CFAP96: variants seen among roughly 807,000 people sequenced by gnomAD.
CFAP96 encodes cilia and flagella associated protein 96.
chr4:185,432,514 TTGAA>T, the CFAP96 span, among the ~76,000 whole-genome samples: 1 of 152,174 alleles, frequency 6.6e-6, no homozygotes, highest in Non-Finnish European at 1.5e-5. Context: ...AAAAATTGCC[TTGAA>T]TTATCATGTC....
At chr4:185,418,712 A>G in the CFAP96 span, 6 of 1,613,710 alleles carry the variant, frequency 3.7e-6, no homozygotes, top group African/African-American at 6.7e-5. Flanking sequence ...GGGCGTTTGA[A>G]GACAGCTTAG....
the CFAP96 span, among the ~76,000 whole-genome samples, chr4:185,419,148 T>C: frequency 1.3e-5 from 2 of 152,140 alleles, no homozygotes; most frequent in African/African-American, 2.4e-5. Context: ...TCTTTTTTTT[T>C]TGAGATGGAG....
At chr4:185,429,426 A>G in the CFAP96 span, 1 of 1,535,464 alleles carries the variant, frequency 6.5e-7, no homozygotes, top group Non-Finnish European at 8.8e-7. Flanking sequence ...CTGCGGAAGG[A>G]GGAAAAACGG....
chr4:185,412,806 G>A, the CFAP96 span, among the ~76,000 whole-genome samples: 1 of 152,104 alleles, frequency 6.6e-6, no homozygotes, highest in Non-Finnish European at 1.5e-5. Context: ...TCACAGGGCT[G>A]CTGTTTCTAA....
At chr4:185,449,352 C>T in the CFAP96 span, among the ~76,000 whole-genome samples, 1 of 151,952 alleles carries the variant, frequency 6.6e-6, no homozygotes, top group Non-Finnish European at 1.5e-5. Context: ...AAAACTCTGT[C>T]TCTACAAAAA....
At chr4:185,436,222 G>C in the CFAP96 span, 1 of 1,543,446 alleles carries the variant, frequency 6.5e-7, no homozygotes, top group Non-Finnish European at 8.7e-7. Context: ...CGTTTGTTTT[G>C]AAATTTAAAA....
At chr4:185,425,635 G>T in the CFAP96 span, among the ~76,000 whole-genome samples, 1 of 152,248 alleles carries the variant, frequency 6.6e-6, no homozygotes, top group African/African-American at 2.4e-5. Context: ...GAAGTAGCAG[G>T]GGGTGCGTGT....
chr4:185,434,602 T>G, the CFAP96 span, among the ~76,000 whole-genome samples: 3 of 152,186 alleles, frequency 2.0e-5, no homozygotes, highest in Admixed American at 2.0e-4. Flanking sequence ...TTTAAAATAA[T>G]TCATAGATAT....
chr4:185,412,989 A>G, the CFAP96 span, among the ~76,000 whole-genome samples: 1 of 152,124 alleles, frequency 6.6e-6, no homozygotes, highest in Admixed American at 6.5e-5. Context: ...TACATGGAAA[A>G]TAAGTCTAGT....
the CFAP96 span, among the ~76,000 whole-genome samples, chr4:185,435,778 A>G: frequency 6.6e-6 from 1 of 152,222 alleles, no homozygotes; most frequent in East Asian, 1.9e-4. Flanking sequence ...GACTCTGTTT[A>G]TTGTTACAGT....
chr4:185,418,068 A>ACACACACACACACACACG, the CFAP96 span, among the ~76,000 whole-genome samples: 1 of 151,448 alleles, frequency 6.6e-6, no homozygotes, highest in East Asian at 1.9e-4. Flanking sequence ...ACACACACAC[A>ACACACACACACACACACG]AACAACAGAA....
the CFAP96 span, chr4:185,440,433 G>A: frequency 5.5e-3 from 3,850 of 703,746 alleles, 25 homozygotes; most frequent in Non-Finnish European, 7.2e-3. Context: ...CACCCAGCAG[G>A]ATAGATTTAA....
chr4:185,409,577 A>C, the CFAP96 span, among the ~76,000 whole-genome samples: 1 of 152,188 alleles, frequency 6.6e-6, no homozygotes, highest in Non-Finnish European at 1.5e-5. Flanking sequence ...GAGAATATAT[A>C]TTCTGCCCAA....
the CFAP96 span, among the ~76,000 whole-genome samples, chr4:185,431,731 C>G: frequency 6.6e-6 from 1 of 152,192 alleles, no homozygotes; most frequent in Non-Finnish European, 1.5e-5. Flanking sequence ...ATTTTAAGGT[C>G]TCTACCAGCT....
At chr4:185,429,596 T>G in the CFAP96 span, 1 of 775,830 alleles carries the variant, frequency 1.3e-6, no homozygotes, top group Non-Finnish European at 2.0e-6. Flanking sequence ...TCAAATGATT[T>G]TTTAATGGTT....
At chr4:185,429,068 T>G in the CFAP96 span, among the ~76,000 whole-genome samples, 1 of 152,250 alleles carries the variant, frequency 6.6e-6, no homozygotes, top group Non-Finnish European at 1.5e-5. Flanking sequence ...AACAGATAAA[T>G]GGCAGTGTAA....
chr4:185,413,613 TC>T, the CFAP96 span: 1 of 1,055,510 alleles, frequency 9.5e-7, no homozygotes, highest in Non-Finnish European at 1.3e-6. Flanking sequence ...GGGTGATAAA[TC>T]ATGTTTTAGG....
At chr4:185,422,685 ATGAGT>A in the CFAP96 span, 119 of 704,494 alleles carry the variant, frequency 1.7e-4, 1 homozygote, top group African/African-American at 1.7e-3. Flanking sequence ...AAATTATTTC[ATGAGT>A]TAATTCCTTG....
the CFAP96 span, among the ~76,000 whole-genome samples, chr4:185,441,911 T>C: frequency 3.9e-5 from 6 of 152,136 alleles, no homozygotes; most frequent in East Asian, 1.2e-3. Flanking sequence ...GTATAGTTTA[T>C]TGTAGGTGAA....
Sources: allele counts gnomAD v4.1 joint callset (sites outside exome capture counted in the v4.1 genomes callset), GRCh38; gene constraint gnomAD v4.1.1; transcripts MANE v1.5; gene names NCBI Gene and HGNC (gene_info 2026-07-23, HGNC 2026-07-21).